Variants in MTUS2 observed in about 807,000 individuals in gnomAD.
MTUS2 encodes the protein microtubule-associated tumor suppressor candidate 2.
A neutral mutation model predicts 114.1 loss-of-function variants in MTUS2; 40 were observed. The observed-to-expected ratio is 0.35, with a 90% CI of 0.27 to 0.46. The LOEUF is 0.46. MTUS2 is among the 20% of genes least tolerant of loss of function. MTUS2 has a pLI of 1.00. For synonymous variants in MTUS2, 688 were observed against 672.0 expected, an observed-to-expected ratio of 1.02 and a Z score of -0.37; for missense variants, 1,679 against 1,705.4, an observed-to-expected ratio of 0.98 and a Z score of 0.27.
chr13:29,399,593 G>GA (rs1329245936), intron 8 of MTUS2, among the ~76,000 whole-genome samples: 1 of 152,128 alleles, frequency 6.6e-6, no homozygotes, highest in Non-Finnish European at 1.5e-5. Context: ...TTCATGAACT[G>GA]AAAATTTGAA....
Position 29,191,895 on chromosome 13 carries a change from G to C in MTUS2, c.2645-89809G>C, listed in dbSNP as rs555170019. On this transcript the variant is annotated intron_variant, in intron 5 of 15. Transcript: ENST00000612955. ...TACCACAGTAAAGTCTCCATTTACTGTGTAAAATCAGACTTTGTACAGCAC... is the reference window on the plus strand; with the variant it reads ...TACCACAGTAAAGTCTCCATTTACTCTGTAAAATCAGACTTTGTACAGCAC... Among the ~76,000 whole-genome samples, 60 of 152,254 alleles carry C rather than the reference G, an allele frequency of 3.9e-4. No homozygotes were observed. The South Asian group carries it at 4.1e-3, about 11-fold the overall frequency.
chr13:29,496,730 G>A lies in MTUS2; in HGVS notation c.3580-508G>A, dbSNP rs1397977599. Reference sequence around the variant, plus strand: ...GGTTCTAGGGACATTCAGGAGGCAGGATGGCAGGAGTTGATTATGGACTTG... The same window carrying A: ...GGTTCTAGGGACATTCAGGAGGCAGAATGGCAGGAGTTGATTATGGACTTG... On this transcript the variant is annotated intron_variant, in intron 12 of 15. Transcript: ENST00000612955. The surrounding 1 kb of genome is among the most constrained non-coding windows in gnomAD (Gnocchi z 4.3). Among the ~76,000 whole-genome samples the A allele has an allele frequency of 6.6e-6, 1 of 152,222 alleles. No homozygotes were observed. Among genetic ancestry groups the A allele is most frequent in the Non-Finnish European group, 1.5e-5 (1 of 68,040 alleles).
intron 5 of MTUS2, among the ~76,000 whole-genome samples, chr13:29,185,196 G>A (rs9551612): frequency 0.57 from 85,686 of 151,612 alleles, 24,389 homozygotes; most frequent in Admixed American, 0.57. Context: ...GAAGAATCAC[G>A]TATATTGAAG....
intron 8 of MTUS2, among the ~76,000 whole-genome samples, chr13:29,359,717 G>A (rs1388376562): frequency 6.6e-6 from 1 of 152,130 alleles, no homozygotes; most frequent in African/African-American, 2.4e-5. Flanking sequence ...TCCAAAATAC[G>A]AAATTATGTA....
At chr13:28,845,512 GCA>G (rs1875813482) in intron 2 of MTUS2, among the ~76,000 whole-genome samples, 1 of 152,084 alleles carries the variant, frequency 6.6e-6, no homozygotes, top group Non-Finnish European at 1.5e-5. Flanking sequence ...TCTTTCAGCA[GCA>G]CAGAGACATA....
intron 2 of MTUS2, among the ~76,000 whole-genome samples, chr13:28,862,718 A>G (rs1346582223): frequency 1.3e-5 from 2 of 152,238 alleles, no homozygotes; most frequent in East Asian, 1.9e-4. Flanking sequence ...AGATTGGGGT[A>G]TATTCCCTTG....
intron 13 of MTUS2, among the ~76,000 whole-genome samples, chr13:29,498,103 A>C (rs563118330): frequency 6.6e-6 from 1 of 152,132 alleles, no homozygotes; most frequent in Admixed American, 6.5e-5. Context: ...TGTTGGGTTT[A>C]CTCTTTCTAC....
intron 6 of MTUS2, among the ~76,000 whole-genome samples, chr13:29,299,962 A>G (rs1899123360): frequency 6.6e-6 from 1 of 150,978 alleles, no homozygotes; most frequent in Non-Finnish European, 1.5e-5. Context: ...TGAATTTTGG[A>G]GGGGGGGGCA....
At chr13:28,941,144 A>G (rs143014917) in intron 2 of MTUS2, among the ~76,000 whole-genome samples, 77 of 152,156 alleles carry the variant, frequency 5.1e-4, no homozygotes, top group African/African-American at 1.8e-3. Flanking sequence ...AACTATACCA[A>G]TAATTTTCCA....
intron 5 of MTUS2, among the ~76,000 whole-genome samples, chr13:29,108,592 C>T (rs1053376667): frequency 6.6e-6 from 1 of 152,152 alleles, no homozygotes; most frequent in Non-Finnish European, 1.5e-5. Context: ...CTGCCATGAC[C>T]TGGACAAGGG....
intron 5 of MTUS2, among the ~76,000 whole-genome samples, chr13:29,279,486 C>T (rs1319468184): frequency 1.3e-5 from 2 of 152,140 alleles, no homozygotes; most frequent in African/African-American, 4.8e-5. Flanking sequence ...TTAATGTTGT[C>T]AGCATTATTG....
intron 5 of MTUS2, among the ~76,000 whole-genome samples, chr13:29,118,619 G>GTC: frequency 6.6e-6 from 1 of 152,338 alleles, no homozygotes; most frequent in Non-Finnish European, 1.5e-5. Flanking sequence ...TCTGTTAGCA[G>GTC]TGTGTAGGTA....
At chr13:28,820,043 C>T (rs1036233421), upstream of MTUS2, among the ~76,000 whole-genome samples, 1 of 147,144 alleles carries the variant, frequency 6.8e-6, no homozygotes, top group African/African-American at 2.4e-5. Context: ...GCTCGCCGCC[C>T]GGCCACTGTC....
At chr13:28,956,680 G>A (rs1883083258) in intron 2 of MTUS2, among the ~76,000 whole-genome samples, 4 of 152,190 alleles carry the variant, frequency 2.6e-5, no homozygotes, top group African/African-American at 9.7e-5. Context: ...GTAACTTGGA[G>A]GATTAAAGGG....
intron 4 of MTUS2, among the ~76,000 whole-genome samples, chr13:29,090,182 T>A (rs878997703): frequency 6.6e-6 from 1 of 152,208 alleles, no homozygotes; most frequent in Admixed American, 6.5e-5. Flanking sequence ...TGTTTCTGGA[T>A]GCTTTCAGTG....
At chr13:29,431,888 A>G (rs1416990856) in intron 8 of MTUS2, among the ~76,000 whole-genome samples, 2 of 152,038 alleles carry the variant, frequency 1.3e-5, no homozygotes, top group East Asian at 1.9e-4. Context: ...TCTGTCACCC[A>G]GTCTGGAGTG....
chr13:28,864,193 A>G (rs1320997759), intron 2 of MTUS2, among the ~76,000 whole-genome samples: 3 of 152,136 alleles, frequency 2.0e-5, no homozygotes, highest in Non-Finnish European at 2.9e-5. Context: ...CTCCTCCCCT[A>G]CACATTAGCA....
At chr13:28,949,464 TGTG>T (rs1882702525) in intron 2 of MTUS2, among the ~76,000 whole-genome samples, 1 of 152,262 alleles carries the variant, frequency 6.6e-6, no homozygotes, top group African/African-American at 2.4e-5. Context: ...ATATTTTAAT[TGTG>T]GTAAAATACA....
At chr13:28,968,710 A>C (rs1883714488) in intron 2 of MTUS2, among the ~76,000 whole-genome samples, 1 of 152,132 alleles carries the variant, frequency 6.6e-6, no homozygotes, top group Admixed American at 6.5e-5. Context: ...TTTTAGTTTT[A>C]ATAGTAAAAA....
Sources: allele counts gnomAD v4.1 joint callset (sites outside exome capture counted in the v4.1 genomes callset), GRCh38; gene constraint gnomAD v4.1.1; non-coding constraint Gnocchi (gnomAD v3.1); transcripts MANE v1.5; gene names NCBI Gene and HGNC (gene_info 2026-07-23, HGNC 2026-07-21).